Variants in GP6 observed in about 807,000 individuals in gnomAD.
The protein encoded by GP6 is glycoprotein VI platelet.
Under a neutral mutation model 37.3 loss-of-function variants are expected in GP6, and 45 were observed. The observed-to-expected ratio is 1.21, with a 90% confidence interval of 0.95 to 1.55. GP6 has a LOEUF of 1.55. GP6 is among the 40% of genes most tolerant of loss of function. GP6 has a pLI of 0.00. For missense variants in GP6, 813 were observed against 760.2 expected (o/e 1.07, Z -0.82); for synonymous variants, 340 against 316.4 (o/e 1.07, Z -0.79).
chr19:55,015,855 G>C, intron 6 of GP6, 122 bp from the exon 7 acceptor site: 1 of 724,994 alleles, frequency 1.4e-6, no homozygotes, highest in South Asian at 1.5e-5. Context: ...AGAAAAGCAT[G>C]GGCCGGGCAC....
rs1210648809 is a variant in GP6, at chr19:55,015,162, G to A, written c.783C>T (p.Ser261=). The change falls in exon 8 of 8, where the codon TCC becomes TCT. Residue 261 remains serine (S), a synonymous_variant. Transcript: ENST00000310373. ...GCCCTTGGTGTAGTACTGGCGGGCA[G>A]GACCTGGAGGAATGAGGAGAGGCAG... is the stretch of plus-strand genomic sequence containing the variant. 3.1e-5 allele frequency: 49 copies of A among 1,556,592 alleles called. No homozygotes were observed. Among genetic ancestry groups the A allele is most frequent in the Admixed American group, 5.8e-5 (3 of 51,376 alleles).
chr19:55,015,697 G>A lies in GP6; in HGVS notation c.761C>T (p.Ser254Leu). ...GACTTACTCACCAGCTGGAGAGTCTGACTCCTTTGGACTGGCGGTGATACT... is the reference window on the plus strand; with the variant it reads ...GACTTACTCACCAGCTGGAGAGTCTAACTCCTTTGGACTGGCGGTGATACT... Residue 254 changes from serine (S) to leucine (L), a missense_variant, in exon 7 of 8, where the codon TCA becomes TTA. Coordinates refer to ENST00000310373, the MANE Select transcript of GP6 (RefSeq NM_001083899.2). The A allele has an allele frequency of 6.3e-7, 1 of 1,579,276 alleles. No homozygotes were observed. Among genetic ancestry groups the A allele is most frequent in the Non-Finnish European group, 8.7e-7 (1 of 1,148,034 alleles).
chr19:55,014,677 G>C lies in GP6; in HGVS notation c.1268C>G (p.Pro423Arg), dbSNP rs972293396. 4.3e-6 allele frequency: 7 copies of C among 1,613,678 alleles called. No individual in the cohort carries two copies. Among genetic ancestry groups the C allele is most frequent in the Non-Finnish European group, 5.1e-6 (6 of 1,179,746 alleles). The change falls in exon 8 of 8, where the codon CCT becomes CGT. Residue 423 changes from proline (P) to arginine (R), a missense_variant. Coordinates refer to ENST00000310373, the MANE Select transcript of GP6 (RefSeq NM_001083899.2). ...TGTCATCCACAGTGTGCAGGGAGGA[G>C]GATGGGGTCTCCACAGATTCCTTCC... is the stretch of plus-strand genomic sequence containing the variant.
chr19:55,032,257 A>T lies in GP6; in HGVS notation c.207T>A (p.Asp69Glu). The T allele has an allele frequency of 6.2e-7, 1 of 1,614,146 alleles. No homozygotes were observed. The highest frequency in any genetic ancestry group is 1.1e-5 in the South Asian group (1 of 91,086). Reference sequence around the variant, plus strand: ...TGGCCGGGATGAAGAGGACTGCCTGATCCTGGTACCTGCTGGAACTCAGCT... The same window carrying T: ...TGGCCGGGATGAAGAGGACTGCCTGTTCCTGGTACCTGCTGGAACTCAGCT... Residue 69 changes from aspartate (D) to glutamate (E), a missense_variant, in exon 3 of 8, where the codon GAT becomes GAA. Asp to Glu is a conservative substitution (Grantham distance 45). Coordinates refer to ENST00000310373, the MANE Select transcript of GP6 (RefSeq NM_001083899.2).
At position 55,014,331 on chromosome 19, in the gene GP6, C is replaced by A. The variant is rs749092940; in HGVS notation, c.1614G>T (p.Lys538Asn). The A allele has an allele frequency of 2.7e-5, 43 of 1,602,778 alleles. No individual in the cohort carries two copies. Among genetic ancestry groups the A allele is most frequent in the Non-Finnish European group, 2.4e-5 (28 of 1,170,598 alleles). The change falls in exon 8 of 8, where the codon AAG (lysine) becomes AAT (asparagine). Residue 538 changes from lysine (K) to asparagine (N), a missense_variant. Lys to Asn is a moderately conservative substitution (Grantham distance 94). Transcript: ENST00000310373. ...GTTTCACCATGTTGCACAGGCTGAT[C>A]TTGTTTTCTAATGTGAAGGGAAGCG...
At chr19:55,037,481 G>GCATGTGCCACCACA in intron 1 of GP6, among the ~76,000 whole-genome samples, 1 of 151,910 alleles carries the variant, frequency 6.6e-6, no homozygotes, top group East Asian at 1.9e-4. Flanking sequence ...GGGATTACAG[G>GCATGTGCCACCACA]CATGTGCCAC....
intron 1 of GP6, among the ~76,000 whole-genome samples, chr19:55,035,404 A>G (rs549547295): frequency 5.9e-5 from 9 of 152,160 alleles, no homozygotes; most frequent in African/African-American, 2.4e-5. Flanking sequence ...GTACACTTGC[A>G]TATCACCGAT....
Position 55,013,818 on chromosome 19 carries a change from A to G in GP6, c.*264T>C. ...CGATCCTCCTGCCTTGGCCTCCCAC[A>G]GTGCTAGGATTACAGACATGATCCA... On this transcript the variant is annotated 3_prime_UTR_variant, in exon 8 of 8. Transcript: ENST00000310373. The G allele has an allele frequency of 3.3e-6, 1 of 306,744 alleles. No homozygotes were observed. Among genetic ancestry groups the G allele is most frequent in the South Asian group, 3.0e-5 (1 of 33,030 alleles). The allele number at this position is 306,744 out of a possible 1,614,324, so 19.0% of individuals were successfully genotyped here.
At position 55,038,215 on chromosome 19, in the gene GP6, G is replaced by C; in HGVS notation, c.22C>G (p.Leu8Val). Reference sequence around the variant, plus strand: ...CCTCAGGACTCACCAAGACAGAAGAGGGCGGTCGGGGATGGAGACATGGTT... The same window carrying C: ...CCTCAGGACTCACCAAGACAGAAGACGGCGGTCGGGGATGGAGACATGGTT... The change falls in exon 1 of 8, where the codon CTC becomes GTC. Residue 8 changes from leucine (L) to valine (V), a missense_variant. Transcript: ENST00000310373. The C allele has an allele frequency of 6.3e-7, 1 of 1,592,236 alleles. No homozygotes were observed. Among genetic ancestry groups the C allele is most frequent in the African/African-American group, 1.3e-5 (1 of 74,882 alleles).
intron 1 of GP6, 83 bp downstream of exon 1, chr19:55,038,120 C>A: frequency 8.9e-7 from 1 of 1,121,394 alleles, no homozygotes. Context: ...AATTCATCAC[C>A]AATGCAAATT....
At chr19:55,016,049 G>C (rs577676496) in intron 6 of GP6, among the ~76,000 whole-genome samples, 1 of 152,084 alleles carries the variant, frequency 6.6e-6, no homozygotes, top group South Asian at 2.1e-4. Flanking sequence ...GCTGAGGCAG[G>C]AAGATCACCT....
In GP6 at chr19:55,015,016, G is replaced by T. The variant is rs534709050; in HGVS notation, c.929C>A (p.Ala310Asp). The T allele has an allele frequency of 3.1e-6, 5 of 1,612,082 alleles. No homozygotes were observed. Among genetic ancestry groups the T allele is most frequent in the Middle Eastern group, 1.7e-4 (1 of 6,056 alleles). The stretch of plus-strand genomic sequence containing the variant: ...AGCGGGAGGGGCGGGAGGGGCGGAA[G>T]CGGCCTCTGCACAGCCCTGCCCCTG... The change falls in exon 8 of 8, where the codon GCT becomes GAT. Residue 310 changes from alanine to aspartate, a missense_variant. By Grantham distance (126) the Ala-to-Asp change is moderately radical. Transcript: ENST00000310373.
intron 3 of GP6, among the ~76,000 whole-genome samples, chr19:55,030,362 T>TCC (rs34209133): frequency 1.3e-5 from 2 of 150,360 alleles, no homozygotes; most frequent in South Asian, 4.2e-4. Context: ...TTTTTTTTTT[T>TCC]CCCAAGACGG....
chr19:55,030,199 T>C (rs2074506328), intron 3 of GP6, among the ~76,000 whole-genome samples: 1 of 152,058 alleles, frequency 6.6e-6, no homozygotes, highest in Admixed American at 6.6e-5. Flanking sequence ...AAAATAACCA[T>C]TTAAAAGTGC....
At position 55,024,942 on chromosome 19, in the gene GP6, G is replaced by C. The variant is rs45545635; in HGVS notation, c.664+276C>G. Among the ~76,000 whole-genome samples, 33,449 of 151,998 alleles carry C rather than the reference G, an allele frequency of 0.22. 3,858 individuals carry two copies. The highest frequency in any genetic ancestry group is 0.32 in the Middle Eastern group (95 of 294). ...TGTTTTTGTCACCCATATTCAACCA[G>C]CTGGACTCCACAGTATAGCAAGCCA... On this transcript the variant is annotated intron_variant, in intron 5 of 7. Transcript: ENST00000310373.
At chr19:55,035,904 C>G (rs940593509) in intron 1 of GP6, among the ~76,000 whole-genome samples, 1 of 150,830 alleles carries the variant, frequency 6.6e-6, no homozygotes, top group African/African-American at 2.4e-5. Context: ...GAAACCCCAT[C>G]TCTACTAAAA....
In GP6 at chr19:55,020,870, G is replaced by T. The variant is rs557200977; in HGVS notation, c.665-2159C>A. 1.1e-3 allele frequency among the ~76,000 whole-genome samples: 164 copies of T among 151,590 alleles called. 1 individual carries two copies. In the South Asian group the frequency reaches 0.011, roughly 10 times the overall value. The stretch of plus-strand genomic sequence containing the variant: ...GCTCAAGACCACCCTGGCCAACATG[G>T]TGAAACTCCCGTCTCTAGCAAAAAT... On this transcript the variant is annotated intron_variant, in intron 5 of 7. Coordinates refer to ENST00000310373, the MANE Select transcript of GP6 (RefSeq NM_001083899.2).
Position 55,014,323 on chromosome 19 carries a change from AG to A in GP6, c.1621del (p.Leu541CysfsTer5). On this transcript the variant is annotated frameshift_variant, in exon 8 of 8. Coordinates refer to ENST00000310373, the MANE Select transcript of GP6 (RefSeq NM_001083899.2). LOFTEE classifies it high-confidence loss of function. ...GAGATGAGGTTTCACCATGTTGCACAGGCTGATCTTGTTTTCTAATGTGAAG... is the reference window on the plus strand; with the variant it reads ...GAGATGAGGTTTCACCATGTTGCACAGCTGATCTTGTTTTCTAATGTGAAG... The A allele has an allele frequency of 1.9e-6, 3 of 1,591,578 alleles. No homozygotes were observed. The highest frequency in any genetic ancestry group is 2.6e-6 in the Non-Finnish European group (3 of 1,160,536).
chr19:55,014,255 C>CA lies in GP6; in HGVS notation c.1689dup (p.Gly564TrpfsTer27). The CA allele has an allele frequency of 9.5e-7, 1 of 1,054,022 alleles. No homozygotes were observed. 65.3% of individuals were successfully genotyped at this position (1,054,022 alleles called of 1,614,324 possible). ...AGTTGCTGGGAGTATAGGGATGCAC[C>CA]ACCACACCTGGCTAATTTTTGTGTT... is the stretch of plus-strand genomic sequence containing the variant. On this transcript the variant is annotated frameshift_variant, in exon 8 of 8. Coordinates refer to ENST00000310373, the MANE Select transcript of GP6 (RefSeq NM_001083899.2). LOFTEE classifies it high-confidence loss of function.
Sources: gnomAD v4.1 joint callset for allele counts (sites outside exome capture counted in the v4.1 genomes callset) on GRCh38, gnomAD v4.1.1 for gene constraint, MANE v1.5 for transcripts, NCBI Gene and HGNC (gene_info 2026-07-23, HGNC 2026-07-21) for gene names.